Variants in IRF1 observed in about 807,000 individuals in gnomAD.
IRF1 encodes interferon regulatory factor 1, also known as interferon regulatory factor-1.
Under a neutral mutation model 43.7 loss-of-function variants are expected in IRF1, and 13 were observed. That is an observed-to-expected ratio of 0.30 (90% CI 0.19 to 0.47). The LOEUF (loss-of-function observed/expected upper bound fraction) is 0.47, where lower values mean the gene tolerates loss of function less well. Among genes scored for constraint, IRF1 ranks in the 20% least tolerant of loss-of-function variants. The pLI is 0.99. For missense variants in IRF1, 236 were observed against 408.9 expected (o/e 0.58, Z 3.65); for synonymous variants, 138 against 146.8 (o/e 0.94, Z 0.43).
rs41502246 is a variant in IRF1, at chr5:132,484,234, C to T, written c.853+128G>A. The T allele has an allele frequency of 1.5e-5, 21 of 1,426,626 alleles. No individual in the cohort carries two copies. In the Admixed American group the frequency reaches 3.8e-4, roughly 26 times the overall value. The allele number at this position is 1,426,626 out of a possible 1,614,324, so 88.4% of individuals were successfully genotyped here. A position where few individuals can be genotyped will look rare whatever the true frequency, so the allele number is the denominator to read the frequency against. ...AAACCTTAAGGCATGGCAGCCGTAG[C>T]TAATTCACAATGTGTCAGTACCCCA... On this transcript the variant is annotated intron_variant, in intron 9 of 9. Transcript: ENST00000245414.
At chr5:132,488,058 T>A (rs375288471) in intron 2 of IRF1, 33 bp from the exon 3 acceptor site, 183 of 1,529,778 alleles carry the variant, frequency 1.2e-4, no homozygotes, top group Admixed American at 4.8e-4. Flanking sequence ...TAAGGCTGTG[T>A]CAGGTCAGAG....
In IRF1 at chr5:132,486,831, C is replaced by T; in HGVS notation, c.378G>A (p.Lys126=). The T allele has an allele frequency of 1.2e-6, 2 of 1,614,220 alleles. No individual in the cohort carries two copies. The highest frequency in any genetic ancestry group is 1.7e-6 in the Non-Finnish European group (2 of 1,180,038). The change falls in exon 5 of 10, where the codon AAG becomes AAA. Residue 126 remains lysine, a synonymous_variant. Coordinates refer to ENST00000245414, the MANE Select transcript of IRF1 (RefSeq NM_002198.3). ...CCTTGCTCTTAGCATCTCGGCTGGA[C>T]TTCGACTTTCTTTCTGTGGGGCAGA... ...TKNQRKERKS[K]SSRDAKSKAK...
intron 2 of IRF1, chr5:132,488,493 A>G: frequency 6.4e-6 from 1 of 157,450 alleles, no homozygotes; most frequent in East Asian, 1.9e-4. Flanking sequence ...GATGGTGAAC[A>G]CTGTGTAACC....
chr5:132,488,257 A>C, intron 2 of IRF1: 2 of 517,148 alleles, frequency 3.9e-6, no homozygotes. Flanking sequence ...TTATTAGCTC[A>C]CAAAGACCTC....
chr5:132,487,296 C>T (rs1183115482), intron 3 of IRF1, 166 bp from the exon 4 acceptor site: 9 of 689,336 alleles, frequency 1.3e-5, no homozygotes, highest in Non-Finnish European at 2.2e-5. Context: ...AGGTCCTAGG[C>T]CCTGGGCCTT....
chr5:132,488,382 A>T (rs568164479), intron 2 of IRF1: 107 of 228,164 alleles, frequency 4.7e-4, no homozygotes, highest in African/African-American at 1.7e-3. Context: ...TGGAAGTAAG[A>T]ACTTCTTCCA....
At chr5:132,489,162 A>G in intron 2 of IRF1, 2 of 476,626 alleles carry the variant, frequency 4.2e-6, no homozygotes, top group Non-Finnish European at 7.8e-6. Context: ...GCTGCTGGAA[A>G]CTGGAAGTGC....
rs1440563587 is a variant in IRF1 at position 132,486,797 on chromosome 5, T to C, written c.412A>G (p.Lys138Glu). ...TGGCTGCTTAGGACCACACTCACCT[T>C]CCTCTTGGCCTTGCTCTTAGCATCT... ...SRDAKSKAKRKSCGDSSPDTF... is the reference protein window; with the variant it reads ...SRDAKSKAKRESCGDSSPDTF... Residue 138 changes from lysine (K) to glutamate (E), a missense_variant and splice_region_variant, in exon 5 of 10, where the codon AAG (lysine) becomes GAG (glutamate). Coordinates refer to ENST00000245414, the MANE Select transcript of IRF1 (RefSeq NM_002198.3). 1 of 1,614,198 alleles carries C rather than the reference T, an allele frequency of 6.2e-7. No homozygotes were observed. Among genetic ancestry groups the C allele is most frequent in the South Asian group, 1.1e-5 (1 of 91,076 alleles).
rs1308747461 is a variant in IRF1 at position 132,483,133 on chromosome 5, G to A, written c.*818C>T. On this transcript the variant is annotated 3_prime_UTR_variant, in exon 10 of 10. Transcript: ENST00000245414. ...AAGACAAATGTACATATTTACACAC[G>A]TCCTTATGTGTTCACACATGACTTA... 1.7e-5 allele frequency: 2 copies of A among 116,310 alleles called. No homozygotes were observed. Among genetic ancestry groups the A allele is most frequent in the Non-Finnish European group, 4.3e-5 (2 of 46,386 alleles). The allele number at this position is 116,310 out of a possible 1,614,324, so 7.2% of individuals were successfully genotyped here.
chr5:132,489,650 A>T (rs1754647694), intron 1 of IRF1, 167 bp from the exon 2 acceptor site: 1 of 555,500 alleles, frequency 1.8e-6, no homozygotes, highest in Non-Finnish European at 3.3e-6. Flanking sequence ...TGCTCTCCAA[A>T]TTTTTTCAGC....
chr5:132,488,042 T>C lies in IRF1; in HGVS notation c.88-17A>G, dbSNP rs778809271. On this transcript the variant is annotated splice_polypyrimidine_tract_variant and intron_variant, in intron 2 of 9. Transcript: ENST00000245414. Reference sequence around the variant, plus strand: ...CATCTCCTCCTGAACAATACACACATACACATAAGGCTGTGTCAGGTCAGA... The same window carrying C: ...CATCTCCTCCTGAACAATACACACACACACATAAGGCTGTGTCAGGTCAGA... 1 of 1,556,058 alleles carries C rather than the reference T, an allele frequency of 6.4e-7. No homozygotes were observed. The highest frequency in any genetic ancestry group is 8.9e-7 in the Non-Finnish European group (1 of 1,128,550).
chr5:132,486,504 AAG>A (rs753299581), intron 6 of IRF1, 51 bp downstream of exon 6: 6 of 1,613,352 alleles, frequency 3.7e-6, no homozygotes, highest in Non-Finnish European at 4.2e-6. Flanking sequence ...CTCCAAGAGA[AAG>A]AGTCATCCCA....
chr5:132,488,028 G>T lies in IRF1; in HGVS notation c.88-3C>A. ...GGGATCTGGAAGATCATCTCCTCCT[G>T]AACAATACACACATACACATAAGGC... On this transcript the variant is annotated splice_polypyrimidine_tract_variant and splice_region_variant and intron_variant, in intron 2 of 9. Coordinates refer to ENST00000245414, the MANE Select transcript of IRF1 (RefSeq NM_002198.3). The T allele has an allele frequency of 6.2e-7, 1 of 1,603,980 alleles. No individual in the cohort carries two copies. Among genetic ancestry groups the T allele is most frequent in the South Asian group, 1.1e-5 (1 of 90,928 alleles).
At position 132,485,720 on chromosome 5, in the gene IRF1, T is replaced by TGGA. The variant is rs768507040; in HGVS notation, c.668-7_668-5dup. The stretch of plus-strand genomic sequence containing the variant: ...TCCTCATCCTCATCTGTTGTAGCTG[T>TGGA]GGATGGGGAAAGCAGAGAGGTTGGC... On this transcript the variant is annotated splice_region_variant and splice_polypyrimidine_tract_variant and intron_variant, in intron 7 of 9. Coordinates refer to ENST00000245414, the MANE Select transcript of IRF1 (RefSeq NM_002198.3). 1.9e-6 allele frequency: 3 copies of TGGA among 1,611,526 alleles called. No homozygotes were observed. The Admixed American group carries it at 5.0e-5, about 27-fold the overall frequency.
chr5:132,485,756 C>T (rs767899455), intron 7 of IRF1, 40 bp from the exon 8 acceptor site: 1 of 1,537,554 alleles, frequency 6.5e-7, no homozygotes, highest in South Asian at 1.1e-5. Flanking sequence ...TGGCAGTCAG[C>T]CACACTCACC....
intron 6 of IRF1, 57 bp from the exon 7 acceptor site, chr5:132,486,430 A>T (rs1420122166): frequency 6.2e-7 from 1 of 1,609,550 alleles, no homozygotes; most frequent in Non-Finnish European, 8.5e-7. Context: ...TTTGCAAGAC[A>T]TCGAGCGCCC....
At position 132,482,932 on chromosome 5, in the gene IRF1, G is replaced by C. The variant is rs533452027; in HGVS notation, c.*1019C>G. The C allele has an allele frequency of 6.6e-6, 1 of 152,274 alleles. No individual in the cohort carries two copies. The highest frequency in any genetic ancestry group is 2.4e-5 in the African/African-American group (1 of 41,478). 9.4% of individuals were successfully genotyped at this position (152,274 alleles called of 1,614,324 possible). On this transcript the variant is annotated 3_prime_UTR_variant, in exon 10 of 10. Transcript: ENST00000245414. Reference sequence around the variant, plus strand: ...GCTGGGATTACAGGTGTGAGCCACCGCGCCTGGCCGAAAGGATTTTATAAT... The same window carrying C: ...GCTGGGATTACAGGTGTGAGCCACCCCGCCTGGCCGAAAGGATTTTATAAT...
chr5:132,488,128 A>G, intron 2 of IRF1, 103 bp from the exon 3 acceptor site: 1 of 844,920 alleles, frequency 1.2e-6, no homozygotes, highest in Non-Finnish European at 2.0e-6. Flanking sequence ...AGGTCTGAGA[A>G]AAGGCTGACT....
At chr5:132,486,185 C>T in intron 7 of IRF1, 66 bp downstream of exon 7, 1 of 1,591,226 alleles carries the variant, frequency 6.3e-7, no homozygotes, top group Non-Finnish European at 8.6e-7. Context: ...CATCTTTTCT[C>T]TCTCAGGAAG....
Sources: allele counts gnomAD v4.1 joint callset, GRCh38; gene constraint gnomAD v4.1.1; transcripts MANE v1.5; gene names NCBI Gene and HGNC (gene_info 2026-07-23, HGNC 2026-07-21).